Variants in RLN3 observed in about 807,000 individuals in gnomAD.
RLN3 encodes relaxin 3.
Under a neutral mutation model 10.2 loss-of-function variants are expected in RLN3, and 13 were observed. That is an observed-to-expected ratio of 1.28 (90% CI 0.83 to 2.03). RLN3 has a LOEUF of 2.03. Among genes scored for constraint, RLN3 ranks in the 30% most tolerant of loss-of-function variants. RLN3 has a pLI of 0.00. For synonymous variants in RLN3, 56 were observed against 79.2 expected, an observed-to-expected ratio of 0.71 and a Z score of 1.56; for missense variants, 191 against 187.2, an observed-to-expected ratio of 1.02 and a Z score of -0.12.
At chr19:14,030,433 G>C in intron 1 of RLN3, 1 of 694,022 alleles carries the variant, frequency 1.4e-6, no homozygotes, top group South Asian at 1.5e-5. Flanking sequence ...GCTGAGGTGG[G>C]CACATCACTT....
intron 1 of RLN3, among the ~76,000 whole-genome samples, chr19:14,029,210 C>T (rs1975761325): frequency 6.6e-6 from 1 of 151,974 alleles, no homozygotes; most frequent in South Asian, 2.1e-4. Flanking sequence ...AACAGAAGAC[C>T]TAGCTTCATG....
At position 14,029,806 on chromosome 19, in the gene RLN3, A is replaced by AATTATTATTATTATTATT. The variant is rs58482695; in HGVS notation, c.191-885_191-868dup. Among the ~76,000 whole-genome samples the AATTATTATTATTATTATT allele has an allele frequency of 6.3e-3, 895 of 142,296 alleles. 12 individuals are homozygous for AATTATTATTATTATTATT. The highest frequency in any genetic ancestry group is 0.015 in the African/African-American group (581 of 38,212). The allele number at this position is 142,296 out of a possible 152,430, so 93.4% of individuals were successfully genotyped here. ...TTTGACACAAAGTAAGTGATCAATA[A>AATTATTATTATTATTATT]ATTATTATTATTATTATTATTATTA... On this transcript the variant is annotated intron_variant, in intron 1 of 1. Transcript: ENST00000431365.
intron 1 of RLN3, among the ~76,000 whole-genome samples, chr19:14,029,144 G>A (rs1245158182): frequency 6.6e-6 from 1 of 151,978 alleles, no homozygotes; most frequent in Non-Finnish European, 1.5e-5. Flanking sequence ...ACAGATTAGG[G>A]CAGAGTCTCA....
rs1352964172 is a variant in RLN3, at chr19:14,031,209, C to G, written c.*261C>G. The G allele has an allele frequency of 4.2e-6, 2 of 476,420 alleles. No individual in the cohort carries two copies. The highest frequency in any genetic ancestry group is 3.8e-6 in the Non-Finnish European group (1 of 266,380). 29.5% of individuals were successfully genotyped at this position (476,420 alleles called of 1,614,324 possible). A position where few individuals can be genotyped will look rare whatever the true frequency, so the allele number is the denominator to read the frequency against. ...AGTGGGGACCCCCCCATCCTGACCC[C>G]TGACCTCTCCCCAGCCCTAACCATG... On this transcript the variant is annotated 3_prime_UTR_variant, in exon 2 of 2. Coordinates refer to ENST00000431365, the MANE Select transcript of RLN3 (RefSeq NM_080864.4).
intron 1 of RLN3, 106 bp from the exon 2 acceptor site, chr19:14,030,604 T>C: frequency 1.0e-6 from 1 of 999,618 alleles, no homozygotes; most frequent in South Asian, 1.3e-5. Flanking sequence ...CTCTGAACTA[T>C]GTCTATGACT....
rs773709869 is a variant in RLN3 at position 14,030,863 on chromosome 19, G to A, written c.344G>A (p.Arg115Gln). ...TGGCAAGGAACCCCTGGGGTTCTTCGGGGCAGCCGAGATGTCCTGGCTGGC... is the reference window on the plus strand; with the variant it reads ...TGGCAAGGAACCCCTGGGGTTCTTCAGGGCAGCCGAGATGTCCTGGCTGGC... ...PSWQGTPGVL[R>Q]GSRDVLAGLS... Residue 115 changes from arginine (R) to glutamine (Q), a missense_variant, in exon 2 of 2, where the codon CGG becomes CAG. Physicochemically the swap from Arg to Gln is conservative, Grantham distance 43. Transcript: ENST00000431365. The A allele has an allele frequency of 3.8e-5, 61 of 1,611,856 alleles. No individual in the cohort carries two copies. The highest frequency in any genetic ancestry group is 1.7e-4 in the Middle Eastern group (1 of 6,048).
intron 1 of RLN3, among the ~76,000 whole-genome samples, chr19:14,029,240 A>G (rs528462333): frequency 6.6e-6 from 1 of 152,262 alleles, no homozygotes; most frequent in Admixed American, 6.6e-5. Flanking sequence ...GACCTGGCAA[A>G]TAGATATTCA....
At chr19:14,029,141 A>C (rs1285743506) in intron 1 of RLN3, among the ~76,000 whole-genome samples, 1 of 152,034 alleles carries the variant, frequency 6.6e-6, no homozygotes, top group Non-Finnish European at 1.5e-5. Context: ...AAAACAGATT[A>C]GGGCAGAGTC....
Position 14,030,997 on chromosome 19 carries a change from C to A in RLN3, c.*49C>A. 1.6e-6 allele frequency: 2 copies of A among 1,267,102 alleles called. No individual in the cohort carries two copies. Among genetic ancestry groups the A allele is most frequent in the South Asian group, 1.4e-5 (1 of 70,228 alleles). 78.5% of individuals were successfully genotyped at this position (1,267,102 alleles called of 1,614,324 possible). ...CACCAGGACCAATGCCCCAGTCCTGCCATCCACTCAACTAGTGTCTGGCTG... is the reference window on the plus strand; with the variant it reads ...CACCAGGACCAATGCCCCAGTCCTGACATCCACTCAACTAGTGTCTGGCTG... On this transcript the variant is annotated 3_prime_UTR_variant, in exon 2 of 2. Coordinates refer to ENST00000431365, the MANE Select transcript of RLN3 (RefSeq NM_080864.4).
intron 1 of RLN3, among the ~76,000 whole-genome samples, chr19:14,028,977 C>G (rs745850178): frequency 2.0e-5 from 3 of 152,026 alleles, no homozygotes; most frequent in Non-Finnish European, 4.4e-5. Flanking sequence ...AGGGGTCTCA[C>G]TATGTTGCCT....
At position 14,031,330 on chromosome 19, in the gene RLN3, T is replaced by C; in HGVS notation, c.*382T>C. ...CCCCTGCCCCCTTCCCAGTCCAAAC[T>C]GTGGCCATTGTCCCCTGACCAGCTA... On this transcript the variant is annotated 3_prime_UTR_variant, in exon 2 of 2. Coordinates refer to ENST00000431365, the MANE Select transcript of RLN3 (RefSeq NM_080864.4). 4.3e-6 allele frequency: 1 copy of C among 230,124 alleles called. No individual in the cohort carries two copies. Among genetic ancestry groups the C allele is most frequent in the Non-Finnish European group, 8.5e-6 (1 of 117,422 alleles). 14.3% of individuals were successfully genotyped at this position (230,124 alleles called of 1,614,324 possible).
Position 14,030,818 on chromosome 19 carries a change from T to C in RLN3, c.299T>C (p.Phe100Ser). 6.2e-7 allele frequency: 1 copy of C among 1,613,946 alleles called. No individual in the cohort carries two copies. Reference sequence around the variant, plus strand: ...GCCCTGACCAAGTCACCCCAGGCCTTTTACAGGGGGCGACCCAGCTGGCAA... The same window carrying C: ...GCCCTGACCAAGTCACCCCAGGCCTCTTACAGGGGGCGACCCAGCTGGCAA... ...WLALTKSPQA[F>S]YRGRPSWQGT... Residue 100 changes from phenylalanine to serine, a missense_variant, in exon 2 of 2, where the codon TTT becomes TCT. By Grantham distance (155) the Phe-to-Ser change is radical. Coordinates refer to ENST00000431365, the MANE Select transcript of RLN3 (RefSeq NM_080864.4).
In RLN3 at chr19:14,028,361, A is replaced by T. The variant is rs1975748042; in HGVS notation, c.157A>T (p.Arg53Ter). ...VIFTCGGSRWRRSDILAHEAM... is the reference protein window; with the variant it reads ...VIFTCGGSRW ...CTTCACCTGCGGGGGCTCCCGGTGG[A>T]GACGATCAGACATCCTGGCCCACGA... The change falls in exon 1 of 2, where the codon AGA becomes TGA. Residue 53 changes from arginine to a stop codon, truncating the protein, a stop_gained. Coordinates refer to ENST00000431365, the MANE Select transcript of RLN3 (RefSeq NM_080864.4). LOFTEE classifies it low-confidence loss of function (END_TRUNC). 6.2e-7 allele frequency: 1 copy of T among 1,612,800 alleles called. No homozygotes were observed.
chr19:14,029,462 G>A (rs959521920), intron 1 of RLN3, among the ~76,000 whole-genome samples: 4 of 150,730 alleles, frequency 2.7e-5, no homozygotes, highest in Non-Finnish European at 3.0e-5. Flanking sequence ...AGCGATTCTC[G>A]TGCCTCCAGC....
chr19:14,028,380 C>A lies in RLN3; in HGVS notation c.176C>A (p.Ala59Asp). ...CGGTGGAGACGATCAGACATCCTGG[C>A]CCACGAGGCTATGGGTGAGGCTGGG... ...GSRWRRSDIL[A>D]HEAMGDTFPD... is the part of the protein sequence containing the mutation. Residue 59 changes from alanine to aspartate, a missense_variant, in exon 1 of 2, where the codon GCC becomes GAC. Physicochemically the swap from Ala to Asp is moderately radical, Grantham distance 126. Coordinates refer to ENST00000431365, the MANE Select transcript of RLN3 (RefSeq NM_080864.4). The A allele has an allele frequency of 1.2e-6, 2 of 1,610,844 alleles. No homozygotes were observed. The highest frequency in any genetic ancestry group is 8.5e-7 in the Non-Finnish European group (1 of 1,178,446).
In RLN3 at chr19:14,030,760, C is replaced by G. The variant is rs775727637; in HGVS notation, c.241C>G (p.Leu81Val). 1.2e-6 allele frequency: 2 copies of G among 1,614,106 alleles called. No homozygotes were observed. The highest frequency in any genetic ancestry group is 2.7e-5 in the African/African-American group (2 of 74,934). ...DADEDSLAGE[L>V]DEAMGSSEWL... Reference sequence around the variant, plus strand: ...TGATGAAGACAGTCTGGCAGGCGAGCTGGATGAGGCCATGGGGTCCAGCGA... The same window carrying G: ...TGATGAAGACAGTCTGGCAGGCGAGGTGGATGAGGCCATGGGGTCCAGCGA... The change falls in exon 2 of 2, where the codon CTG (leucine) becomes GTG (valine). Residue 81 changes from leucine to valine, a missense_variant. Physicochemically the swap from Leu to Val is conservative, Grantham distance 32. Transcript: ENST00000431365.
Position 14,028,417 on chromosome 19 carries a change from T to A in RLN3, c.190+23T>A, listed in dbSNP as rs201940032. On this transcript the variant is annotated intron_variant, in intron 1 of 1. Transcript: ENST00000431365. ...TGGGTGAGGCTGGGGAGAGAGTGGA[T>A]GTAGAAGGGGAACAGGTGGCTGGAT... The A allele has an allele frequency of 4.4e-6, 7 of 1,592,374 alleles. No homozygotes were observed. In the Admixed American group the frequency reaches 1.2e-4, roughly 28 times the overall value.
In RLN3 at chr19:14,030,763, G is replaced by C; in HGVS notation, c.244G>C (p.Asp82His). The C allele has an allele frequency of 3.1e-6, 5 of 1,614,256 alleles. No individual in the cohort carries two copies. Among genetic ancestry groups the C allele is most frequent in the Non-Finnish European group, 4.2e-6 (5 of 1,180,048 alleles). The change falls in exon 2 of 2, where the codon GAT (aspartate) becomes CAT (histidine). Residue 82 changes from aspartate to histidine, a missense_variant. Coordinates refer to ENST00000431365, the MANE Select transcript of RLN3 (RefSeq NM_080864.4). ...TGAAGACAGTCTGGCAGGCGAGCTGGATGAGGCCATGGGGTCCAGCGAGTG... is the reference window on the plus strand; with the variant it reads ...TGAAGACAGTCTGGCAGGCGAGCTGCATGAGGCCATGGGGTCCAGCGAGTG... ...ADEDSLAGEL[D>H]EAMGSSEWLA...
At chr19:14,030,568 G>A in intron 1 of RLN3, 142 bp from the exon 2 acceptor site, 2 of 809,404 alleles carry the variant, frequency 2.5e-6, no homozygotes, top group Non-Finnish European at 4.2e-6. Flanking sequence ...GCCAGAATTT[G>A]AACCCAGGAC....
Sources: allele counts gnomAD v4.1 joint callset (sites outside exome capture counted in the v4.1 genomes callset), GRCh38; gene constraint gnomAD v4.1.1; transcripts MANE v1.5; gene names NCBI Gene and HGNC (gene_info 2026-07-23, HGNC 2026-07-21).